The following KCNH1 variants were observed in gnomAD, a reference collection of about 807,000 sequenced individuals.
KCNH1 encodes the protein potassium voltage-gated channel subfamily H member 1.
A neutral mutation model predicts 69.2 loss-of-function variants in KCNH1; 27 were observed. That is an observed-to-expected ratio of 0.39 (90% CI 0.29 to 0.54). KCNH1 has a LOEUF of 0.54. Among genes scored for constraint, KCNH1 ranks in the 20% least tolerant of loss-of-function variants. KCNH1 has a pLI of 0.68. For missense variants in KCNH1, 798 were observed against 1,261.6 expected (o/e 0.63, Z 5.57); for synonymous variants, 456 against 487.7 (o/e 0.93, Z 0.86).
At chr1:210,968,055 C>T (rs138592560) in intron 6 of KCNH1, among the ~76,000 whole-genome samples, 1,722 of 150,762 alleles carry the variant, frequency 0.011, 41 homozygotes, top group African/African-American at 0.04. Context: ...GTGTGATATT[C>T]CCCTTCCTGT....
chr1:210,698,488 T>C (rs1681695289), intron 10 of KCNH1, among the ~76,000 whole-genome samples: 1 of 152,096 alleles, frequency 6.6e-6, no homozygotes, highest in African/African-American at 2.4e-5. Flanking sequence ...GAAGGATCTC[T>C]AGCTAAAGGA....
intron 10 of KCNH1, among the ~76,000 whole-genome samples, chr1:210,705,484 C>G (rs1681886096): frequency 6.6e-6 from 1 of 152,162 alleles, no homozygotes; most frequent in Non-Finnish European, 1.5e-5. Context: ...GCTGGCTGTC[C>G]CAGGAGCTGG....
chr1:210,740,704 A>ATT (rs199727493), intron 10 of KCNH1, among the ~76,000 whole-genome samples: 32 of 117,248 alleles, frequency 2.7e-4, no homozygotes, highest in East Asian at 1.0e-3. Flanking sequence ...TTATGATTAA[A>ATT]TTTTTTTTTT....
At chr1:210,695,705 C>A (rs1382984946) in intron 10 of KCNH1, among the ~76,000 whole-genome samples, 1 of 152,016 alleles carries the variant, frequency 6.6e-6, no homozygotes, top group Non-Finnish European at 1.5e-5. Context: ...CAATTAACTT[C>A]TTTGTCTTTG....
At chr1:211,129,281 G>A (rs1351516960) in intron 1 of KCNH1, among the ~76,000 whole-genome samples, 1 of 152,206 alleles carries the variant, frequency 6.6e-6, no homozygotes, top group African/African-American at 2.4e-5. Flanking sequence ...GGGAAGGGAA[G>A]AATTGAAGAG....
At chr1:211,071,344 T>C (rs878922035) in intron 5 of KCNH1, among the ~76,000 whole-genome samples, 1 of 152,128 alleles carries the variant, frequency 6.6e-6, no homozygotes, top group East Asian at 1.9e-4. Flanking sequence ...AAAAAAAACA[T>C]GCTAGAGATT....
chr1:210,817,728 A>G (rs1284072564), intron 7 of KCNH1, among the ~76,000 whole-genome samples: 1 of 152,216 alleles, frequency 6.6e-6, no homozygotes, highest in African/African-American at 2.4e-5. Flanking sequence ...CACATGGGAC[A>G]CAGAGAGTTT....
intron 7 of KCNH1, among the ~76,000 whole-genome samples, chr1:210,903,895 C>A (rs1687045657): frequency 1.3e-5 from 2 of 152,126 alleles, no homozygotes; most frequent in African/African-American, 4.8e-5. Flanking sequence ...ACAGAATTGG[C>A]CCCACTCCAG....
chr1:211,091,736 A>G (rs1691056199), intron 3 of KCNH1, among the ~76,000 whole-genome samples: 1 of 152,214 alleles, frequency 6.6e-6, no homozygotes, highest in Non-Finnish European at 1.5e-5. Flanking sequence ...CTTCATCCAC[A>G]GAAGGAGGTA....
At chr1:210,763,084 A>C (rs1683554772) in intron 10 of KCNH1, among the ~76,000 whole-genome samples, 1 of 152,172 alleles carries the variant, frequency 6.6e-6, no homozygotes, top group African/African-American at 2.4e-5. Flanking sequence ...CAAATCAAAA[A>C]ATGTAATTCA....
chr1:210,960,909 G>C (rs1052554056), intron 6 of KCNH1, among the ~76,000 whole-genome samples: 1 of 152,106 alleles, frequency 6.6e-6, no homozygotes, highest in East Asian at 1.9e-4. Context: ...TCAACACTTG[G>C]TATGGTCAGT....
intron 9 of KCNH1, among the ~76,000 whole-genome samples, chr1:210,778,809 G>A (rs978477848): frequency 8.5e-5 from 13 of 152,192 alleles, no homozygotes; most frequent in African/African-American, 2.4e-4. Context: ...AATCTTGCCT[G>A]ATTTGTATTA....
chr1:210,715,567 A>G (rs889877548), intron 10 of KCNH1, among the ~76,000 whole-genome samples: 4 of 151,912 alleles, frequency 2.6e-5, no homozygotes, highest in Non-Finnish European at 4.4e-5. Context: ...TCAACTTTGC[A>G]TTACTAATCT....
chr1:210,991,571 T>G (rs1192270033), intron 6 of KCNH1, among the ~76,000 whole-genome samples: 2 of 150,764 alleles, frequency 1.3e-5, no homozygotes, highest in Non-Finnish European at 2.9e-5. Flanking sequence ...GTATTATACA[T>G]CTCAAAATTG....
rs1243657506 is a variant in KCNH1 at position 211,133,883 on chromosome 1, A to C, written c.63T>G (p.Ile21Met). Residue 21 changes from isoleucine (I) to methionine (M), a missense_variant, in exon 1 of 11, where the codon ATT (isoleucine) becomes ATG (methionine). Coordinates refer to ENST00000271751, the MANE Select transcript of KCNH1 (RefSeq NM_172362.3). The surrounding 1 kb of genome is among the most constrained non-coding windows in gnomAD (Gnocchi z 5.4). ...ACCTCTTACCATTGGACCGCCGAAC[A>C]ATATTCTCCAGAAACGTGTTTTGAG... Reference protein sequence around the residue: ...VAPQNTFLENIVRRSNDTNFV... With the variant: ...VAPQNTFLENMVRRSNDTNFV... The C allele has an allele frequency of 1.9e-6, 3 of 1,610,744 alleles. No homozygotes were observed. Among genetic ancestry groups the C allele is most frequent in the South Asian group, 2.2e-5 (2 of 90,558 alleles).
At chr1:210,791,915 AT>A (rs1684220426) in intron 9 of KCNH1, among the ~76,000 whole-genome samples, 3 of 152,322 alleles carry the variant, frequency 2.0e-5, no homozygotes, top group African/African-American at 7.2e-5. Flanking sequence ...TCTAAAAAAA[AT>A]AAATAAATAA....
intron 5 of KCNH1, among the ~76,000 whole-genome samples, chr1:211,029,059 G>A (rs1689734216): frequency 1.3e-5 from 2 of 151,462 alleles, no homozygotes; most frequent in Admixed American, 1.3e-4. Context: ...GGCCAGGCAT[G>A]GTGGCTCAGG....
chr1:210,764,659 GA>G (rs2102355744), intron 10 of KCNH1, among the ~76,000 whole-genome samples: 1 of 152,202 alleles, frequency 6.6e-6, no homozygotes, highest in East Asian at 1.9e-4. Flanking sequence ...AAACCACAAA[GA>G]AATACCATCT....
intron 1 of KCNH1, among the ~76,000 whole-genome samples, chr1:211,119,454 T>C (rs1301351973): frequency 6.6e-6 from 1 of 152,110 alleles, no homozygotes; most frequent in African/African-American, 2.4e-5. Context: ...AGATAAATGA[T>C]GAGAATAAGT....
Sources: allele counts gnomAD v4.1 joint callset (sites outside exome capture counted in the v4.1 genomes callset), GRCh38; gene constraint gnomAD v4.1.1; non-coding constraint Gnocchi (gnomAD v3.1); transcripts MANE v1.5; gene names NCBI Gene and HGNC (gene_info 2026-07-23, HGNC 2026-07-21).